ITPK1: variants seen among roughly 807,000 people sequenced by gnomAD.
The protein encoded by ITPK1 is inositol 1,3,4-trisphosphate 5/6-kinase.
Under a neutral mutation model 45.3 loss-of-function variants are expected in ITPK1, and 21 were observed. The observed-to-expected ratio is 0.46, with a 90% CI of 0.33 to 0.67. The LOEUF is 0.67. Among genes scored for constraint, ITPK1 ranks in the 30% least tolerant of loss-of-function variants. The probability of loss-of-function intolerance (pLI) is 0.02; values close to 1 mark genes in which losing one functional copy is unlikely to be tolerated. For missense variants in ITPK1, 474 were observed against 573.5 expected (o/e 0.83, Z 1.77); for synonymous variants, 258 against 253.6 (o/e 1.02, Z -0.16).
rs55663734 is a variant in ITPK1 at position 93,044,350 on chromosome 14, C to T, written c.121-27549G>A. On this transcript the variant is annotated intron_variant, in intron 3 of 10. Coordinates refer to ENST00000267615, the MANE Select transcript of ITPK1 (RefSeq NM_014216.6). Reference sequence around the variant, plus strand: ...ACGTGTAATCTGGTCCAACCCCCTCCGCAGAGATAGGAAAGCTGAAATCCA... The same window carrying T: ...ACGTGTAATCTGGTCCAACCCCCTCTGCAGAGATAGGAAAGCTGAAATCCA... Among the ~76,000 whole-genome samples the T allele has an allele frequency of 3.4e-3, 513 of 152,002 alleles. 3 individuals are homozygous for T. Among genetic ancestry groups the T allele is most frequent in the African/African-American group, 0.011 (473 of 41,504 alleles).
intron 7 of ITPK1, 148 bp downstream of exon 7, chr14:92,962,207 G>A (rs1384334947): frequency 1.4e-6 from 1 of 710,320 alleles, no homozygotes; most frequent in East Asian, 2.6e-5. Flanking sequence ...CTGGAGTCCA[G>A]GGAAGGGAAG....
intron 3 of ITPK1, among the ~76,000 whole-genome samples, chr14:93,052,590 C>G (rs1363449269): frequency 6.6e-6 from 1 of 152,128 alleles, no homozygotes; most frequent in Non-Finnish European, 1.5e-5. Flanking sequence ...GACGGGAGAT[C>G]CTTCAGTGGG....
At position 93,028,107 on chromosome 14, in the gene ITPK1, C is replaced by T. The variant is rs532716108; in HGVS notation, c.121-11306G>A. On this transcript the variant is annotated intron_variant, in intron 3 of 10. Coordinates refer to ENST00000267615, the MANE Select transcript of ITPK1 (RefSeq NM_014216.6). ...CAACATGCCCTGGTTCCCTTGCACA[C>T]GCACAGGAGCCACAGGACGCGTCCT... 4.8e-4 allele frequency among the ~76,000 whole-genome samples: 73 copies of T among 152,376 alleles called. 1 individual carries two copies. The highest frequency in any genetic ancestry group is 1.4e-3 in the African/African-American group (60 of 41,596).
intron 3 of ITPK1, chr14:93,069,839 T>C (rs1246606524): frequency 2.0e-5 from 3 of 151,988 alleles, no homozygotes; most frequent in Non-Finnish European, 2.9e-5. Flanking sequence ...TAAAAACACA[T>C]ATACAAAGGT....
At chr14:92,971,446 T>G (rs972753976) in intron 5 of ITPK1, among the ~76,000 whole-genome samples, 2 of 152,236 alleles carry the variant, frequency 1.3e-5, no homozygotes, top group Non-Finnish European at 2.9e-5. Context: ...ATCCAGCAGA[T>G]GCTGAGGATG....
chr14:93,087,233 C>T (rs938272888), intron 2 of ITPK1, among the ~76,000 whole-genome samples: 15 of 152,226 alleles, frequency 9.9e-5, no homozygotes, highest in African/African-American at 3.6e-4. Flanking sequence ...TGGCTTGTGG[C>T]CACAACACCC....
In ITPK1 at chr14:93,014,271, G is replaced by A. The variant is rs573428126; in HGVS notation, c.246+2405C>T. Among the ~76,000 whole-genome samples the A allele has an allele frequency of 1.3e-5, 2 of 152,204 alleles. No homozygotes were observed. Among genetic ancestry groups the A allele is most frequent in the South Asian group, 2.1e-4 (1 of 4,822 alleles). ...AGGCCCCATGCTGCCCTCCACACAC[G>A]CTCCCTGTTAATATTGTTTTCTGCC... On this transcript the variant is annotated intron_variant, in intron 4 of 10. Transcript: ENST00000267615. The surrounding 1 kb of genome is among the most constrained non-coding windows in gnomAD (Gnocchi z 4.4).
intron 3 of ITPK1, among the ~76,000 whole-genome samples, chr14:93,049,334 C>A (rs1595168502): frequency 6.6e-6 from 1 of 152,210 alleles, no homozygotes; most frequent in South Asian, 2.1e-4. Context: ...CAGGTAAACA[C>A]AGTCGGCTCA....
In ITPK1 at chr14:92,936,978, A is replaced by T. The variant is rs1254473402; in HGVS notation, c.*4583T>A. The T allele has an allele frequency of 7.9e-5, 12 of 152,334 alleles. No homozygotes were observed. Among genetic ancestry groups the T allele is most frequent in the Admixed American group, 7.8e-4 (12 of 15,302 alleles). 9.4% of individuals were successfully genotyped at this position (152,334 alleles called of 1,614,324 possible). On this transcript the variant is annotated 3_prime_UTR_variant, in exon 11 of 11. Transcript: ENST00000267615. ...AGTTAGGTTTATACTCCACCCCTAC[A>T]GTTACAGAAATAAACACAACATTAA... is the stretch of plus-strand genomic sequence containing the variant.
chr14:93,029,620 C>A (rs1277087432), intron 3 of ITPK1, among the ~76,000 whole-genome samples: 3 of 152,104 alleles, frequency 2.0e-5, no homozygotes, highest in Non-Finnish European at 4.4e-5. Flanking sequence ...AGCCGGCAGG[C>A]CACAATCTTT....
At chr14:92,960,495 TG>T (rs1885012272) in intron 7 of ITPK1, among the ~76,000 whole-genome samples, 1 of 152,192 alleles carries the variant, frequency 6.6e-6, no homozygotes, top group African/African-American at 2.4e-5. Flanking sequence ...TCTGGGTGGC[TG>T]GGTAATTTGC....
intron 4 of ITPK1, among the ~76,000 whole-genome samples, chr14:93,002,251 G>A (rs1344533341): frequency 6.6e-6 from 1 of 152,204 alleles, no homozygotes; most frequent in South Asian, 2.1e-4. Context: ...TGAGGTGGGA[G>A]AATCACTTGA....
In ITPK1 at chr14:92,993,870, G is replaced by A. The variant is rs1402591897; in HGVS notation, c.364+10C>T. ...GCCTGCCACGGATGTGGTGCCACAC[G>A]TGTCCCTACCTTCCATGTAGGCCTC... On this transcript the variant is annotated intron_variant, in intron 5 of 10. Transcript: ENST00000267615. The A allele has an allele frequency of 2.1e-5, 32 of 1,550,866 alleles. No individual in the cohort carries two copies. Among genetic ancestry groups the A allele is most frequent in the Admixed American group, 3.3e-5 (2 of 59,916 alleles).
intron 5 of ITPK1, among the ~76,000 whole-genome samples, chr14:92,967,453 T>A (rs1171994026): frequency 2.0e-5 from 3 of 152,186 alleles, no homozygotes; most frequent in Non-Finnish European, 4.4e-5. Context: ...CCAACCCTCA[T>A]ACATTGCTGG....
intron 7 of ITPK1, among the ~76,000 whole-genome samples, chr14:92,959,238 G>A (rs1402095869): frequency 6.6e-6 from 1 of 152,214 alleles, no homozygotes; most frequent in Non-Finnish European, 1.5e-5. Flanking sequence ...CCTAGGCCTA[G>A]CCGATCCAGC....
At chr14:92,957,091 C>T (rs755619247) in intron 8 of ITPK1, among the ~76,000 whole-genome samples, 3 of 152,242 alleles carry the variant, frequency 2.0e-5, no homozygotes, top group African/African-American at 7.2e-5. Flanking sequence ...AGGGCAACCG[C>T]AGCACTGCAG....
At chr14:92,961,153 C>G (rs2139739293) in intron 7 of ITPK1, among the ~76,000 whole-genome samples, 1 of 152,362 alleles carries the variant, frequency 6.6e-6, no homozygotes, top group South Asian at 2.1e-4. Flanking sequence ...CAAGCCTTCC[C>G]CAGAGAGCCC....
rs1366724127 is a variant in ITPK1, at chr14:93,076,742, G to A, written c.96-123C>T. The A allele has an allele frequency of 3.6e-6, 4 of 1,103,906 alleles. No homozygotes were observed. The African/African-American group carries it at 4.6e-5, about 13-fold the overall frequency. The allele number at this position is 1,103,906 out of a possible 1,614,324, so 68.4% of individuals were successfully genotyped here. ...GGGTTTCAGGAGGGAGCCGGCAGCT[G>A]CGCCTCTCCTGCTACTGTCCCAGAA... On this transcript the variant is annotated intron_variant, in intron 2 of 10. Transcript: ENST00000267615. This position sits in a 1 kb window ranked among gnomAD's most constrained non-coding sequence, Gnocchi z 4.3.
chr14:93,093,805 C>T (rs763065764), intron 2 of ITPK1, among the ~76,000 whole-genome samples: 15 of 152,334 alleles, frequency 9.8e-5, no homozygotes, highest in African/African-American at 1.7e-4. Context: ...CCTGGACAAT[C>T]GCAGCAGCCT....
Sources: gnomAD v4.1 joint callset for allele counts (sites outside exome capture counted in the v4.1 genomes callset) on GRCh38, gnomAD v4.1.1 for gene constraint, Gnocchi (gnomAD v3.1) non-coding constraint, MANE v1.5 for transcripts, NCBI Gene and HGNC (gene_info 2026-07-23, HGNC 2026-07-21) for gene names.